The following SMG6 variants were observed in gnomAD, a reference collection of about 807,000 sequenced individuals.
The protein encoded by SMG6 is telomerase-binding protein EST1A.
In SMG6, 66 loss-of-function variants were observed where a neutral mutation model predicts 142.2. The ratio of observed to expected loss-of-function variants is 0.46; its 90% CI spans 0.38 to 0.57. The LOEUF (loss-of-function observed/expected upper bound fraction) is 0.57. Among genes scored for constraint, SMG6 ranks in the 20% least tolerant of loss-of-function variants. The pLI is 0.00. For synonymous variants in SMG6, 779 were observed against 702.4 expected, an observed-to-expected ratio of 1.11 and a Z score of -1.72; for missense variants, 1,793 against 1,832.0, an observed-to-expected ratio of 0.98 and a Z score of 0.39.
At chr17:2,199,159 G>C (rs9908888) in intron 10 of SMG6, among the ~76,000 whole-genome samples, 57,042 of 151,904 alleles carry the variant, frequency 0.38, 11,025 homozygotes, top group African/African-American at 0.44. Context: ...GTTAAAAAAT[G>C]TTCTTGCTTC....
At chr17:2,235,502 T>C (rs1296037942) in intron 10 of SMG6, among the ~76,000 whole-genome samples, 2 of 152,030 alleles carry the variant, frequency 1.3e-5, no homozygotes, top group East Asian at 1.9e-4. Flanking sequence ...TGAGAGAAAG[T>C]GCTATGAAAA....
Position 2,217,739 on chromosome 17 carries a change from G to A in SMG6, c.2869+18753C>T, listed in dbSNP as rs117382393. Reference sequence around the variant, plus strand: ...AACAATGAAAAGGACCGCCGGGCACGGTGGCTCACGCCTGCAATCCTGGCA... The same window carrying A: ...AACAATGAAAAGGACCGCCGGGCACAGTGGCTCACGCCTGCAATCCTGGCA... On this transcript the variant is annotated intron_variant, in intron 10 of 18. Coordinates refer to ENST00000263073, the MANE Select transcript of SMG6 (RefSeq NM_017575.5). Among the ~76,000 whole-genome samples, 569 of 152,214 alleles carry A rather than the reference G, an allele frequency of 3.7e-3. 4 individuals carry two copies. The highest frequency in any genetic ancestry group is 6.2e-3 in the Non-Finnish European group (421 of 68,000).
chr17:2,223,922 C>A (rs527382348), intron 10 of SMG6, among the ~76,000 whole-genome samples: 30 of 148,374 alleles, frequency 2.0e-4, no homozygotes, highest in Non-Finnish European at 3.9e-4. Flanking sequence ...ACAGGCAGAG[C>A]AAAAAAAAAG....
At chr17:2,243,887 C>T (rs2073869768) in intron 9 of SMG6, among the ~76,000 whole-genome samples, 3 of 152,324 alleles carry the variant, frequency 2.0e-5, no homozygotes, top group Admixed American at 6.5e-5. Flanking sequence ...CTGCCACCTA[C>T]TACTTTCTTC....
chr17:2,136,799 A>T (rs529155456), intron 13 of SMG6, among the ~76,000 whole-genome samples: 1 of 151,318 alleles, frequency 6.6e-6, no homozygotes, highest in African/African-American at 2.4e-5. Flanking sequence ...AAGTCCTTAC[A>T]TAAGTTTAGT....
chr17:2,196,718 G>A lies in SMG6; in HGVS notation c.2870-8203C>T, dbSNP rs528501427. 3.3e-5 allele frequency among the ~76,000 whole-genome samples: 5 copies of A among 152,208 alleles called. No individual in the cohort carries two copies. The East Asian group carries it at 7.7e-4, about 24-fold the overall frequency. On this transcript the variant is annotated intron_variant, in intron 10 of 18. Coordinates refer to ENST00000263073, the MANE Select transcript of SMG6 (RefSeq NM_017575.5). Reference sequence around the variant, plus strand: ...GAAAAAGAATAAAGCGGGAGAAATCGTTCTCCCTGATGTTAAGTTAATGAA... The same window carrying A: ...GAAAAAGAATAAAGCGGGAGAAATCATTCTCCCTGATGTTAAGTTAATGAA...
At chr17:2,215,464 T>C (rs1002028824) in intron 10 of SMG6, 3 of 152,116 alleles carry the variant, frequency 2.0e-5, no homozygotes, top group Non-Finnish European at 4.4e-5. Context: ...CATGAAAAAT[T>C]GAAAACTACC....
At chr17:2,156,393 CAAAAAAAAAAAAAA>C (rs34203812) in intron 13 of SMG6, among the ~76,000 whole-genome samples, 5 of 55,386 alleles carry the variant, frequency 9.0e-5, no homozygotes, top group African/African-American at 1.6e-4. Flanking sequence ...CACTCCTTCT[CAAAAAAAAAAAAAA>C]AAAAAAAAAA....
chr17:2,172,904 AG>A, intron 12 of SMG6, 45 bp from the exon 13 acceptor site: 2 of 1,543,084 alleles, frequency 1.3e-6, no homozygotes, highest in Non-Finnish European at 1.8e-6. Context: ...AAGAGGGACC[AG>A]TAAAAAAAAG....
chr17:2,228,446 C>T (rs1290663920), intron 10 of SMG6, among the ~76,000 whole-genome samples: 2 of 152,038 alleles, frequency 1.3e-5, no homozygotes, highest in African/African-American at 4.8e-5. Context: ...CCAGGCTGGT[C>T]TAGAACTCCT....
chr17:2,067,723 A>G (rs990739267), intron 16 of SMG6, among the ~76,000 whole-genome samples: 1 of 152,124 alleles, frequency 6.6e-6, no homozygotes, highest in Non-Finnish European at 1.5e-5. Context: ...CGGTGCCAAC[A>G]TTCTCAGGTG....
chr17:2,201,185 C>T (rs1013736095), intron 10 of SMG6, among the ~76,000 whole-genome samples: 3 of 151,984 alleles, frequency 2.0e-5, no homozygotes, highest in Non-Finnish European at 2.9e-5. Context: ...TTCAACTCAG[C>T]AAAATAAATA....
intron 10 of SMG6, among the ~76,000 whole-genome samples, chr17:2,234,234 T>G (rs1255983460): frequency 6.6e-6 from 1 of 152,004 alleles, no homozygotes; most frequent in East Asian, 1.9e-4. Context: ...TTACCTGTAT[T>G]TTCTTTTTTT....
intron 10 of SMG6, among the ~76,000 whole-genome samples, chr17:2,211,995 G>C (rs2072879592): frequency 6.6e-6 from 1 of 152,182 alleles, no homozygotes; most frequent in Non-Finnish European, 1.5e-5. Context: ...AGCTCCAGAA[G>C]TCAGTACCAA....
chr17:2,278,828 A>C (rs767023631), intron 8 of SMG6, among the ~76,000 whole-genome samples: 9 of 152,164 alleles, frequency 5.9e-5, no homozygotes, highest in Non-Finnish European at 8.8e-5. Context: ...AACTCCAAAA[A>C]AATTAAAAGC....
chr17:2,083,828 G>A (rs1434086937), intron 14 of SMG6, among the ~76,000 whole-genome samples: 1 of 152,192 alleles, frequency 6.6e-6, no homozygotes, highest in African/African-American at 2.4e-5. Flanking sequence ...GGTTGGCTCA[G>A]CTCTCACAGT....
At chr17:2,147,228 A>C (rs1376539491) in intron 13 of SMG6, among the ~76,000 whole-genome samples, 1 of 152,150 alleles carries the variant, frequency 6.6e-6, no homozygotes, top group Non-Finnish European at 1.5e-5. Flanking sequence ...CCCTGTCTCT[A>C]CTAAAAATAC....
chr17:2,146,031 C>T lies in SMG6; in HGVS notation c.3357+26627G>A, dbSNP rs73979411. ...TAAGGGACTCCTTTCCTAAATATTT[C>T]TCTTTGTTGAAACAAAGAAACAACA... On this transcript the variant is annotated intron_variant, in intron 13 of 18. Coordinates refer to ENST00000263073, the MANE Select transcript of SMG6 (RefSeq NM_017575.5). Among the ~76,000 whole-genome samples the T allele has an allele frequency of 3.5e-3, 538 of 152,154 alleles. 5 individuals are homozygous for T. The highest frequency in any genetic ancestry group is 0.012 in the African/African-American group (511 of 41,518).
At chr17:2,280,188 G>A (rs1371201635) in intron 8 of SMG6, among the ~76,000 whole-genome samples, 1 of 152,120 alleles carries the variant, frequency 6.6e-6, no homozygotes, top group Non-Finnish European at 1.5e-5. Flanking sequence ...AAGCTAACTT[G>A]GGCCTAAGAA....
Sources: gnomAD v4.1 joint callset for allele counts (sites outside exome capture counted in the v4.1 genomes callset) on GRCh38, gnomAD v4.1.1 for gene constraint, MANE v1.5 for transcripts, NCBI Gene and HGNC (gene_info 2026-07-23, HGNC 2026-07-21) for gene names.